RAB23: variants seen among roughly 807,000 people sequenced by gnomAD.
RAB23 encodes ras-related protein Rab-23.
A neutral mutation model predicts 30.0 loss-of-function variants in RAB23; 15 were observed. The ratio of observed to expected loss-of-function variants is 0.50; its 90% confidence interval spans 0.33 to 0.77. The LOEUF is 0.77. RAB23 is among the 30% of genes least tolerant of loss of function. RAB23 has a pLI of 0.02. For missense variants in RAB23, 243 were observed against 275.4 expected, an observed-to-expected ratio of 0.88 and a Z score of 0.83; for synonymous variants, 93 against 94.0, an observed-to-expected ratio of 0.99 and a Z score of 0.06.
intron 1 of RAB23, among the ~76,000 whole-genome samples, chr6:57,220,310 T>C (rs1322184329): frequency 2.0e-5 from 3 of 152,212 alleles, no homozygotes; most frequent in African/African-American, 7.2e-5. Flanking sequence ...CTTGTGGGAA[T>C]GCAAAATGAC....
chr6:57,200,920 A>T lies in RAB23; in HGVS notation c.242-4314T>A, dbSNP rs75709198. Among the ~76,000 whole-genome samples the T allele has an allele frequency of 9.5e-4, 144 of 152,286 alleles. 1 individual carries two copies. In the East Asian group the frequency reaches 0.023, roughly 24 times the overall value. On this transcript the variant is annotated intron_variant, in intron 3 of 6. Coordinates refer to ENST00000468148, the MANE Select transcript of RAB23 (RefSeq NM_016277.5). ...GAACCACATCTAAGAGATACCAGTA[A>T]TGGGGCTCTGGACATGCTAAACTAA...
chr6:57,217,454 A>G (rs772568552), intron 1 of RAB23, among the ~76,000 whole-genome samples: 8 of 152,046 alleles, frequency 5.3e-5, no homozygotes, highest in Admixed American at 1.3e-4. Flanking sequence ...GACTACACGC[A>G]TGCATCACCA....
At position 57,190,407 on chromosome 6, in the gene RAB23, G is replaced by A; in HGVS notation, c.*54C>T. 1 of 1,592,674 alleles carries A rather than the reference G, an allele frequency of 6.3e-7. No homozygotes were observed. Among genetic ancestry groups the A allele is most frequent in the South Asian group, 1.1e-5 (1 of 90,436 alleles). Reference sequence around the variant, plus strand: ...TTGTAACATACCATGACAGCTGGATGGGTTTCTTAATGCATTGCACAATGT... The same window carrying A: ...TTGTAACATACCATGACAGCTGGATAGGTTTCTTAATGCATTGCACAATGT... On this transcript the variant is annotated 3_prime_UTR_variant, in exon 7 of 7. Coordinates refer to ENST00000468148, the MANE Select transcript of RAB23 (RefSeq NM_016277.5).
intron 4 of RAB23, among the ~76,000 whole-genome samples, chr6:57,195,711 T>G (rs936613002): frequency 6.6e-6 from 1 of 152,154 alleles, no homozygotes; most frequent in African/African-American, 2.4e-5. Context: ...ATCATAGAAA[T>G]GGATGGTCCA....
At position 57,210,458 on chromosome 6, in the gene RAB23, A is replaced by G; in HGVS notation, c.-65-13T>C. The G allele has an allele frequency of 6.9e-7, 1 of 1,450,606 alleles. No individual in the cohort carries two copies. Among genetic ancestry groups the G allele is most frequent in the Non-Finnish European group, 9.6e-7 (1 of 1,037,888 alleles). The allele number at this position is 1,450,606 out of a possible 1,614,324, so 89.9% of individuals were successfully genotyped here. Reference sequence around the variant, plus strand: ...TTCCCTCTCAAATCTGTGGTTTAAAATGAAATTATTTTTTCATAACACAAA... The same window carrying G: ...TTCCCTCTCAAATCTGTGGTTTAAAGTGAAATTATTTTTTCATAACACAAA... On this transcript the variant is annotated splice_polypyrimidine_tract_variant and intron_variant, in intron 1 of 6. Transcript: ENST00000468148.
At chr6:57,196,732 A>C in intron 3 of RAB23, 126 bp from the exon 4 acceptor site, 2 of 1,177,378 alleles carry the variant, frequency 1.7e-6, no homozygotes, top group Non-Finnish European at 2.4e-6. Context: ...ACTTTTATGT[A>C]AATAAATGTT....
Position 57,207,655 on chromosome 6 carries a change from C to A in RAB23, c.214G>T (p.Asp72Tyr). The A allele has an allele frequency of 6.2e-7, 1 of 1,604,616 alleles. No individual in the cohort carries two copies. The highest frequency in any genetic ancestry group is 8.5e-7 in the Non-Finnish European group (1 of 1,171,562). Reference sequence around the variant, plus strand: ...CGATAGTAGGCCTTTGTAATTGCATCAAATTCCTCCTGACCTGCAGTGTCC... The same window carrying A: ...CGATAGTAGGCCTTTGTAATTGCATAAAATTCCTCCTGACCTGCAGTGTCC... ...LWDTAGQEEF[D>Y]AITKAYYRGA... Residue 72 changes from aspartate (D) to tyrosine (Y), a missense_variant, in exon 3 of 7, where the codon GAT becomes TAT. Asp to Tyr is a radical substitution (Grantham distance 160). Coordinates refer to ENST00000468148, the MANE Select transcript of RAB23 (RefSeq NM_016277.5).
At position 57,187,961 on chromosome 6, in the gene RAB23, A is replaced by G. The variant is rs940685712; in HGVS notation, c.*2500T>C. On this transcript the variant is annotated 3_prime_UTR_variant, in exon 7 of 7. Coordinates refer to ENST00000468148, the MANE Select transcript of RAB23 (RefSeq NM_016277.5). Reference sequence around the variant, plus strand: ...TATTGCCTTATATGGGTCATTCTATATACTATTTAATTCATAGACAGAGAC... The same window carrying G: ...TATTGCCTTATATGGGTCATTCTATGTACTATTTAATTCATAGACAGAGAC... 1 of 150,886 alleles carries G rather than the reference A, an allele frequency of 6.6e-6. No individual in the cohort carries two copies. Among genetic ancestry groups the G allele is most frequent in the African/African-American group, 2.5e-5 (1 of 40,716 alleles). 9.3% of individuals were successfully genotyped at this position (150,886 alleles called of 1,614,324 possible).
intron 6 of RAB23, among the ~76,000 whole-genome samples, chr6:57,191,864 AAG>A (rs1562649004): frequency 6.7e-6 from 1 of 150,142 alleles, no homozygotes; most frequent in Non-Finnish European, 1.5e-5. Flanking sequence ...TGTGTGTTTT[AAG>A]AGATAGGGTC....
intron 6 of RAB23, among the ~76,000 whole-genome samples, chr6:57,191,856 T>G (rs1764854143): frequency 6.6e-6 from 1 of 152,032 alleles, no homozygotes; most frequent in Non-Finnish European, 1.5e-5. Context: ...TGTGTGTGTG[T>G]GTGTTTTAAG....
At chr6:57,213,320 CT>C (rs922834098) in intron 1 of RAB23, among the ~76,000 whole-genome samples, 3 of 152,080 alleles carry the variant, frequency 2.0e-5, no homozygotes, top group African/African-American at 4.8e-5. Context: ...TTGGGGACCC[CT>C]GGTCTAGGGT....
At chr6:57,202,004 C>CT (rs1257225829) in intron 3 of RAB23, among the ~76,000 whole-genome samples, 1 of 152,118 alleles carries the variant, frequency 6.6e-6, no homozygotes, top group Non-Finnish European at 1.5e-5. Context: ...ATAATAATAC[C>CT]TTTGAGCAAT....
At chr6:57,199,443 C>T (rs150710150) in intron 3 of RAB23, among the ~76,000 whole-genome samples, 20 of 152,308 alleles carry the variant, frequency 1.3e-4, no homozygotes, top group Non-Finnish European at 1.8e-4. Flanking sequence ...CCCAAATAAA[C>T]GAGCCCCACC....
At chr6:57,205,875 C>G (rs1765439474) in intron 3 of RAB23, among the ~76,000 whole-genome samples, 2 of 152,108 alleles carry the variant, frequency 1.3e-5, no homozygotes, top group Admixed American at 1.3e-4. Flanking sequence ...TGACTATTTT[C>G]TCAAAGAAGA....
chr6:57,196,761 CTCT>C (rs1295766075), intron 3 of RAB23, among the ~76,000 whole-genome samples, 155 bp from the exon 4 acceptor site: 1 of 152,164 alleles, frequency 6.6e-6, no homozygotes, highest in African/African-American at 2.4e-5. Context: ...CTTTGTACTA[CTCT>C]TCTTTACTTT....
Position 57,216,843 on chromosome 6 carries a change from T to C in RAB23, c.-66+4883A>G, listed in dbSNP as rs574378698. On this transcript the variant is annotated intron_variant, in intron 1 of 6. Transcript: ENST00000468148. ...AACTTCCAGACGTTGCCGCGGCATT[T>C]ATAAATTGTCACGGTGCTGATGGCA... Among the ~76,000 whole-genome samples, 4 of 152,246 alleles carry C rather than the reference T, an allele frequency of 2.6e-5. No homozygotes were observed. In the South Asian group the frequency reaches 6.2e-4, roughly 24 times the overall value.
intron 1 of RAB23, among the ~76,000 whole-genome samples, chr6:57,217,568 A>G (rs917188379): frequency 6.6e-6 from 1 of 152,218 alleles, no homozygotes; most frequent in Non-Finnish European, 1.5e-5. Context: ...GTGGCCTCCC[A>G]AAGTGCTGGG....
chr6:57,196,542 A>C lies in RAB23; in HGVS notation c.306T>G (p.Ser102Arg). The C allele has an allele frequency of 6.2e-7, 1 of 1,613,986 alleles. No homozygotes were observed. The highest frequency in any genetic ancestry group is 8.5e-7 in the Non-Finnish European group (1 of 1,179,964). Residue 102 changes from serine to arginine, a missense_variant, in exon 4 of 7, where the codon AGT (serine) becomes AGG (arginine). By Grantham distance (110) the Ser-to-Arg change is moderately radical (BLOSUM62 -1). Transcript: ENST00000468148. Reference sequence around the variant, plus strand: ...CTTCGGCTACTACTTTCTCTCTCCAACTGGAAACTGCTTCAAAAGATTCCC... The same window carrying C: ...CTTCGGCTACTACTTTCTCTCTCCACCTGGAAACTGCTTCAAAAGATTCCC... ...TDRESFEAVS[S>R]WREKVVAEVG... is the part of the protein sequence containing the mutation.
At chr6:57,210,475 T>TGA (rs1765614029) in intron 1 of RAB23, 30 bp from the exon 2 acceptor site, 6 of 1,307,498 alleles carry the variant, frequency 4.6e-6, no homozygotes, top group Non-Finnish European at 6.6e-6. Flanking sequence ...TATTTTTTCA[T>TGA]AACACAAAAA....
Sources: allele counts gnomAD v4.1 joint callset (sites outside exome capture counted in the v4.1 genomes callset), GRCh38; gene constraint gnomAD v4.1.1; transcripts MANE v1.5; gene names NCBI Gene and HGNC (gene_info 2026-07-23, HGNC 2026-07-21).